The following CALM3 variants were observed in gnomAD, a reference collection of about 807,000 sequenced individuals.
CALM3 encodes calmodulin 3.
CALM3 carries 5 observed loss-of-function variants against 20.1 expected under a neutral mutation model. The ratio of observed to expected loss-of-function variants is 0.25; its 90% CI spans 0.13 to 0.52. The LOEUF is 0.52. Among genes scored for constraint, CALM3 ranks in the 20% least tolerant of loss-of-function variants. CALM3 has a pLI of 0.96. For missense variants in CALM3, 57 were observed against 192.8 expected, an observed-to-expected ratio of 0.30 and a Z score of 4.17; for synonymous variants, 69 against 68.1, an observed-to-expected ratio of 1.01 and a Z score of -0.06.
At position 46,605,894 on chromosome 19, in the gene CALM3, G is replaced by C. The variant is rs3729511; in HGVS notation, c.34+37G>C. ...ATCCCCCTCATCTTAGCTCAGGAAA[G>C]CCTCCACATCCCCAGCCAAATCTTA... On this transcript the variant is annotated intron_variant, in intron 2 of 5. Coordinates refer to ENST00000291295, the MANE Select transcript of CALM3 (RefSeq NM_005184.4). This position sits in a 1 kb window ranked among gnomAD's most constrained non-coding sequence, Gnocchi z 4.1. 7.4e-3 allele frequency: 11,925 copies of C among 1,606,994 alleles called. 419 individuals are homozygous for C. The highest frequency in any genetic ancestry group is 0.073 in the Admixed American group (4,404 of 59,988).
chr19:46,608,178 C>T lies in CALM3; in HGVS notation c.35-19C>T, dbSNP rs757777400. 2 of 1,610,846 alleles carry T rather than the reference C, an allele frequency of 1.2e-6. No individual in the cohort carries two copies. Among genetic ancestry groups the T allele is most frequent in the Admixed American group, 1.7e-5 (1 of 59,844 alleles). On this transcript the variant is annotated intron_variant, in intron 2 of 5. Coordinates refer to ENST00000291295, the MANE Select transcript of CALM3 (RefSeq NM_005184.4). The surrounding 1 kb of genome is among the most constrained non-coding windows in gnomAD (Gnocchi z 5.5). The stretch of plus-strand genomic sequence containing the variant: ...CTGTGGACCTTGTGACCTCTGACTC[C>T]TCCCCCTTCTTCCCCCAGAGTTCAA...
At position 46,601,980 on chromosome 19, in the gene CALM3, C is replaced by G. The variant is rs1300228704; in HGVS notation, c.3+543C>G. 5.8e-6 allele frequency: 4 copies of G among 688,672 alleles called. No individual in the cohort carries two copies. In the South Asian group the frequency reaches 6.8e-5, roughly 12 times the overall value. The allele number at this position is 688,672 out of a possible 1,614,324, so 42.7% of individuals were successfully genotyped here. A position where few individuals can be genotyped will look rare whatever the true frequency, so the allele number is the denominator to read the frequency against. The stretch of plus-strand genomic sequence containing the variant: ...GGGCGACCCCTGGGCTCCTGTGGAG[C>G]AGAGGAGAGGGTCAAGGATGGGCGG... On this transcript the variant is annotated intron_variant, in intron 1 of 5. Coordinates refer to ENST00000291295, the MANE Select transcript of CALM3 (RefSeq NM_005184.4). The surrounding 1 kb of genome is among the most constrained non-coding windows in gnomAD (Gnocchi z 4.2).
intron 1 of CALM3, among the ~76,000 whole-genome samples, chr19:46,604,612 G>C (rs1971704065): frequency 6.6e-6 from 1 of 151,216 alleles, no homozygotes; most frequent in East Asian, 1.9e-4. Context: ...GGGGATGGGG[G>C]TAGGGGAGGC....
chr19:46,609,469 C>A lies in CALM3; in HGVS notation c.*316C>A. 4.6e-6 allele frequency: 2 copies of A among 438,612 alleles called. No individual in the cohort carries two copies. Among genetic ancestry groups the A allele is most frequent in the Non-Finnish European group, 8.2e-6 (2 of 245,162 alleles). The allele number at this position is 438,612 out of a possible 1,614,324, so 27.2% of individuals were successfully genotyped here. On this transcript the variant is annotated 3_prime_UTR_variant, in exon 6 of 6. Coordinates refer to ENST00000291295, the MANE Select transcript of CALM3 (RefSeq NM_005184.4). Reference sequence around the variant, plus strand: ...GGGGAGCCTCTGCCCTCCTCCAGCCCGGATGGCTCTCCTCCATTTTGGTTT... The same window carrying A: ...GGGGAGCCTCTGCCCTCCTCCAGCCAGGATGGCTCTCCTCCATTTTGGTTT...
rs1971844539 is a variant in CALM3 at position 46,610,065 on chromosome 19, C to A, written c.*912C>A. The A allele has an allele frequency of 6.6e-6, 1 of 152,530 alleles. No individual in the cohort carries two copies. The highest frequency in any genetic ancestry group is 1.5e-5 in the Non-Finnish European group (1 of 68,066). The allele number at this position is 152,530 out of a possible 1,614,324, so 9.4% of individuals were successfully genotyped here. A position where few individuals can be genotyped will look rare whatever the true frequency, so the allele number is the denominator to read the frequency against. On this transcript the variant is annotated 3_prime_UTR_variant, in exon 6 of 6. Transcript: ENST00000291295. ...TTTTTTTTTCTTTCCCCTCTATGGC[C>A]CTTAAGACTTTCATTTTGTTCAGAA...
In CALM3 at chr19:46,609,428, C is replaced by T. The variant is rs533960079; in HGVS notation, c.*275C>T. On this transcript the variant is annotated 3_prime_UTR_variant, in exon 6 of 6. Coordinates refer to ENST00000291295, the MANE Select transcript of CALM3 (RefSeq NM_005184.4). ...CCTGATGCATTCATAAGTTGAAGCC[C>T]TCCCCAGATCCCCTTGGGGAGCCTC... The T allele has an allele frequency of 3.8e-6, 2 of 533,054 alleles. No homozygotes were observed. Among genetic ancestry groups the T allele is most frequent in the Admixed American group, 3.4e-5 (1 of 29,488 alleles). 33.0% of individuals were successfully genotyped at this position (533,054 alleles called of 1,614,324 possible).
In CALM3 at chr19:46,609,074, C is replaced by T. The variant is rs376034110; in HGVS notation, c.422-51C>T. 54 of 1,613,490 alleles carry T rather than the reference C, an allele frequency of 3.3e-5. 1 individual carries two copies. In the African/African-American group the frequency reaches 4.7e-4, roughly 14 times the overall value. On this transcript the variant is annotated intron_variant, in intron 5 of 5. Transcript: ENST00000291295. The stretch of plus-strand genomic sequence containing the variant: ...ATCCCTCTTGTTGGGGAGGGCCGCT[C>T]GCCACTTAGCCTGCCCGCCTGACCT...
chr19:46,602,396 G>A (rs2122216949), intron 1 of CALM3, among the ~76,000 whole-genome samples: 1 of 151,398 alleles, frequency 6.6e-6, no homozygotes, highest in African/African-American at 2.4e-5. Context: ...GTGAGGGGTG[G>A]GGGAGGACTT....
upstream of CALM3, chr19:46,601,200 T>G: frequency 3.2e-6 from 1 of 311,378 alleles, no homozygotes; most frequent in Non-Finnish European, 5.5e-6. This position sits in a 1 kb window ranked among gnomAD's most constrained non-coding sequence, Gnocchi z 4.2. Flanking sequence ...CGCGGAGGGA[T>G]CCGTGGGAGC....
chr19:46,607,017 C>T (rs1286365217), intron 2 of CALM3, among the ~76,000 whole-genome samples: 1 of 152,226 alleles, frequency 6.6e-6, no homozygotes, highest in Non-Finnish European at 1.5e-5. Context: ...ACCCGCATCA[C>T]AGAGTCACCT....
intron 1 of CALM3, among the ~76,000 whole-genome samples, chr19:46,603,355 G>T (rs1035870766): frequency 4.9e-4 from 74 of 152,228 alleles, no homozygotes; most frequent in African/African-American, 1.7e-3. Flanking sequence ...AATCAGCAAG[G>T]TAGAGGTGGG....
At chr19:46,607,781 A>G (rs1971774273) in intron 2 of CALM3, among the ~76,000 whole-genome samples, 1 of 152,254 alleles carries the variant, frequency 6.6e-6, no homozygotes, top group African/African-American at 2.4e-5. Context: ...CGTCCCAGCC[A>G]GCCAACCCTG....
At chr19:46,607,611 T>A (rs2122241789) in intron 2 of CALM3, among the ~76,000 whole-genome samples, 1 of 152,308 alleles carries the variant, frequency 6.6e-6, no homozygotes. Context: ...GTCAGCCATG[T>A]TCTGCTGCCG....
intron 1 of CALM3, chr19:46,602,082 A>T: frequency 7.7e-7 from 1 of 1,304,214 alleles, no homozygotes; most frequent in Non-Finnish European, 1.0e-6. Context: ...ACTGCAGAGG[A>T]GGAGGAGGGT....
chr19:46,601,119 C>G (rs1971599738), upstream of CALM3: 1 of 807,776 alleles, frequency 1.2e-6, no homozygotes, highest in Non-Finnish European at 1.9e-6. This position sits in a 1 kb window ranked among gnomAD's most constrained non-coding sequence, Gnocchi z 4.2. Flanking sequence ...CGCGCGCGCG[C>G]CCGGCGGCAA....
chr19:46,608,070 T>C lies in CALM3; in HGVS notation c.35-127T>C. 1 of 848,982 alleles carries C rather than the reference T, an allele frequency of 1.2e-6. No individual in the cohort carries two copies. The highest frequency in any genetic ancestry group is 1.9e-6 in the Non-Finnish European group (1 of 539,784). 52.6% of individuals were successfully genotyped at this position (848,982 alleles called of 1,614,324 possible). On this transcript the variant is annotated intron_variant, in intron 2 of 5. Transcript: ENST00000291295. This position sits in a 1 kb window ranked among gnomAD's most constrained non-coding sequence, Gnocchi z 5.5. Reference sequence around the variant, plus strand: ...AGAGCTGGTTGCGTGGGACTTGAAGTCTGTCTCAGTTTCTTTAGGTGGGAC... The same window carrying C: ...AGAGCTGGTTGCGTGGGACTTGAAGCCTGTCTCAGTTTCTTTAGGTGGGAC...
At position 46,608,369 on chromosome 19, in the gene CALM3, C is replaced by G; in HGVS notation, c.178+29C>G. ...AGCCCCACAGAGCGCGTGGGCAGCC[C>G]TGCTCCTGGTCACCCCGAGTGACTG... On this transcript the variant is annotated intron_variant, in intron 3 of 5. Coordinates refer to ENST00000291295, the MANE Select transcript of CALM3 (RefSeq NM_005184.4). This position sits in a 1 kb window ranked among gnomAD's most constrained non-coding sequence, Gnocchi z 5.5. 1 of 1,613,202 alleles carries G rather than the reference C, an allele frequency of 6.2e-7. No individual in the cohort carries two copies. Among genetic ancestry groups the G allele is most frequent in the Non-Finnish European group, 8.5e-7 (1 of 1,179,368 alleles).
intron 1 of CALM3, chr19:46,602,172 G>A: frequency 7.4e-7 from 1 of 1,351,688 alleles, no homozygotes; most frequent in Non-Finnish European, 9.9e-7. Flanking sequence ...CTTCCGGGAC[G>A]GAGAAGGATC....
At chr19:46,604,211 C>G (rs1198484742) in intron 1 of CALM3, among the ~76,000 whole-genome samples, 1 of 152,186 alleles carries the variant, frequency 6.6e-6, no homozygotes, top group East Asian at 1.9e-4. Flanking sequence ...TTCCCTAAGC[C>G]TCTTCCTCAG....
Sources: gnomAD v4.1 joint callset for allele counts (sites outside exome capture counted in the v4.1 genomes callset) on GRCh38, gnomAD v4.1.1 for gene constraint, Gnocchi (gnomAD v3.1) non-coding constraint, MANE v1.5 for transcripts, NCBI Gene and HGNC (gene_info 2026-07-23, HGNC 2026-07-21) for gene names.